The following DDX19B variants were observed in gnomAD, a reference collection of about 807,000 sequenced individuals.
DDX19B encodes ATP-dependent RNA helicase DDX19B.
In DDX19B, 27 loss-of-function variants were observed where a neutral mutation model predicts 58.1. That is an observed-to-expected ratio of 0.46 (90% CI 0.34 to 0.64). The LOEUF (loss-of-function observed/expected upper bound fraction) is 0.64. DDX19B is among the 30% of genes least tolerant of loss of function. The pLI is 0.01. For synonymous variants in DDX19B, 187 were observed against 214.4 expected (o/e 0.87, Z 1.12); for missense variants, 399 against 596.5 (o/e 0.67, Z 3.45).
At chr16:70,305,099 G>A (rs1160757161) in intron 1 of DDX19B, among the ~76,000 whole-genome samples, 1 of 152,320 alleles carries the variant, frequency 6.6e-6, no homozygotes, top group Non-Finnish European at 1.5e-5. Flanking sequence ...AAAAAGTTGA[G>A]TGGAAGCTGT....
At chr16:70,296,666 G>C (rs1961237101), upstream of DDX19B, among the ~76,000 whole-genome samples, 1 of 152,124 alleles carries the variant, frequency 6.6e-6, no homozygotes, top group Admixed American at 6.6e-5. Context: ...CTGAATTGAT[G>C]AGATGTAGGT....
intron 1 of DDX19B, among the ~76,000 whole-genome samples, chr16:70,307,920 T>C (rs1263759689): frequency 6.6e-6 from 1 of 150,428 alleles, no homozygotes; most frequent in Non-Finnish European, 1.5e-5. Context: ...TTAAAATTTA[T>C]TTAAATTTAT....
At chr16:70,310,366 C>A (rs552955421) in intron 1 of DDX19B, among the ~76,000 whole-genome samples, 34 of 150,556 alleles carry the variant, frequency 2.3e-4, no homozygotes, top group Admixed American at 1.3e-3. Context: ...GGCAACAGAG[C>A]AAGACTCCGC....
intron 1 of DDX19B, among the ~76,000 whole-genome samples, chr16:70,306,965 A>G (rs1314267588): frequency 6.6e-6 from 1 of 152,206 alleles, no homozygotes; most frequent in Non-Finnish European, 1.5e-5. Context: ...TATAAATGGG[A>G]ACATACGGTA....
At position 70,331,882 on chromosome 16, in the gene DDX19B, G is replaced by A. The variant is rs1963498769; in HGVS notation, c.1184G>A (p.Arg395His). 3 of 1,613,522 alleles carry A rather than the reference G, an allele frequency of 1.9e-6. No individual in the cohort carries two copies. The highest frequency in any genetic ancestry group is 2.5e-6 in the Non-Finnish European group (3 of 1,179,786). ...TTGGTGACCACCAACGTGTGTGCCC[G>A]CGGTGAGCAGAGGACGTGTCCCACC... ...KVLVTTNVCARGIDVEQVSVV... is the reference protein window; with the variant it reads ...KVLVTTNVCAHGIDVEQVSVV... The change falls in exon 10 of 12, where the codon CGC becomes CAC. Residue 395 changes from arginine (R) to histidine (H), a missense_variant and splice_region_variant. Coordinates refer to ENST00000288071, the MANE Select transcript of DDX19B (RefSeq NM_007242.7).
intron 1 of DDX19B, among the ~76,000 whole-genome samples, chr16:70,303,118 T>A: frequency 6.6e-6 from 1 of 152,160 alleles, no homozygotes; most frequent in East Asian, 1.9e-4. Flanking sequence ...ATATTCTGGA[T>A]AGAAGTTCTG....
intron 2 of DDX19B, among the ~76,000 whole-genome samples, chr16:70,313,772 G>A (rs968608480): frequency 6.6e-6 from 1 of 152,058 alleles, no homozygotes; most frequent in Non-Finnish European, 1.5e-5. Context: ...TTTTTTGTAT[G>A]ATTTTATATA....
chr16:70,303,547 A>G (rs773890659), intron 1 of DDX19B, among the ~76,000 whole-genome samples: 34 of 152,024 alleles, frequency 2.2e-4, no homozygotes, highest in Non-Finnish European at 2.8e-4. Flanking sequence ...AACCTAATTT[A>G]TCAATTTTTG....
At chr16:70,326,939 A>G (rs1376343566) in intron 7 of DDX19B, among the ~76,000 whole-genome samples, 1 of 151,720 alleles carries the variant, frequency 6.6e-6, no homozygotes, top group African/African-American at 2.4e-5. Context: ...GGTTCACACC[A>G]TTCTCCTGCC....
chr16:70,295,058 A>G (rs1961170090), upstream of DDX19B: 14 of 1,292,436 alleles, frequency 1.1e-5, no homozygotes, highest in Non-Finnish European at 1.4e-5. Context: ...AGAATCCGCC[A>G]TCTGTGAGGT....
intron 9 of DDX19B, among the ~76,000 whole-genome samples, chr16:70,331,061 A>C (rs1963455508): frequency 6.6e-6 from 1 of 152,042 alleles, no homozygotes; most frequent in African/African-American, 2.4e-5. Context: ...TTTAAAATAA[A>C]ATTTTAAAAT....
intron 1 of DDX19B, among the ~76,000 whole-genome samples, chr16:70,310,418 G>A (rs1962020677): frequency 6.6e-6 from 1 of 151,718 alleles, no homozygotes; most frequent in African/African-American, 2.4e-5. Flanking sequence ...GTGAGTGCCT[G>A]TAGTCTCAGC....
chr16:70,299,117 C>T, upstream of DDX19B: 1 of 1,338,062 alleles, frequency 7.5e-7, no homozygotes, highest in Non-Finnish European at 9.6e-7. Context: ...AATCGACAGC[C>T]TCAAGTGGGC....
At chr16:70,311,236 C>T (rs1299003762) in intron 1 of DDX19B, among the ~76,000 whole-genome samples, 5 of 148,852 alleles carry the variant, frequency 3.4e-5, no homozygotes, top group South Asian at 2.2e-4. Flanking sequence ...AAAAATTAGC[C>T]GGGCGTGGTG....
Position 70,315,978 on chromosome 16 carries a change from C to G in DDX19B, c.170C>G (p.Ala57Gly). The G allele has an allele frequency of 6.2e-7, 1 of 1,613,734 alleles. No individual in the cohort carries two copies. Among genetic ancestry groups the G allele is most frequent in the Non-Finnish European group, 8.5e-7 (1 of 1,179,818 alleles). Residue 57 changes from alanine (A) to glycine (G), a missense_variant, in exon 4 of 12, where the codon GCT becomes GGT. Physicochemically the swap from Ala to Gly is moderately conservative, Grantham distance 60. Transcript: ENST00000288071. ...TTCTTTTTCCTGACAGAGGACAGAG[C>G]TGCCCAGTCCTTACTCAACAAGCTG... Reference protein sequence around the residue: ...KTDEEEKEDRAAQSLLNKLIR... With the variant: ...KTDEEEKEDRGAQSLLNKLIR...
At chr16:70,321,006 A>G (rs187351548) in intron 5 of DDX19B, among the ~76,000 whole-genome samples, 1,791 of 130,570 alleles carry the variant, frequency 0.014, 35 homozygotes, top group African/African-American at 0.051. Context: ...CTTGTTGCCC[A>G]GGCTGGAGTG....
chr16:70,297,445 T>G (rs1961268499), upstream of DDX19B, among the ~76,000 whole-genome samples: 1 of 151,666 alleles, frequency 6.6e-6, no homozygotes, highest in Non-Finnish European at 1.5e-5. Context: ...TATCCTGACC[T>G]CAGGTGATCC....
intron 1 of DDX19B, among the ~76,000 whole-genome samples, chr16:70,299,830 C>T (rs894650359): frequency 6.6e-6 from 1 of 152,074 alleles, no homozygotes; most frequent in Non-Finnish European, 1.5e-5. Flanking sequence ...GCTTCTTTGG[C>T]TCAGGGACCA....
intron 4 of DDX19B, chr16:70,317,267 G>T: frequency 3.5e-6 from 1 of 281,886 alleles, no homozygotes; most frequent in Non-Finnish European, 6.6e-6. Context: ...TGTAATCCCA[G>T]CTATTCGCGA....
Sources: allele counts gnomAD v4.1 joint callset (sites outside exome capture counted in the v4.1 genomes callset), GRCh38; gene constraint gnomAD v4.1.1; transcripts MANE v1.5; gene names NCBI Gene and HGNC (gene_info 2026-07-23, HGNC 2026-07-21).